HTT: variants seen among roughly 807,000 people sequenced by gnomAD.
HTT encodes the protein huntingtin.
In HTT, 104 loss-of-function variants were observed where a neutral mutation model predicts 362.3. That is an observed-to-expected ratio of 0.29 (90% confidence interval 0.24 to 0.34). The LOEUF (loss-of-function observed/expected upper bound fraction) is 0.34, where lower values mean the gene tolerates loss of function less well. Among genes scored for constraint, HTT ranks in the 10% least tolerant of loss-of-function variants. The pLI is 1.00. For synonymous variants in HTT, 1,577 were observed against 1,548.7 expected (o/e 1.02, Z -0.43); for missense variants, 3,301 against 3,928.6 (o/e 0.84, Z 4.27).
chr4:3,172,749 A>G (rs1718052067), intron 30 of HTT, among the ~76,000 whole-genome samples, 159 bp from the exon 31 acceptor site: 1 of 148,084 alleles, frequency 6.8e-6, no homozygotes, highest in African/African-American at 2.4e-5. Context: ...TTCATACAAT[A>G]TCTCATGAGG....
chr4:3,155,672 G>C (rs1236630012), intron 27 of HTT, among the ~76,000 whole-genome samples: 2 of 145,904 alleles, frequency 1.4e-5, no homozygotes, highest in Non-Finnish European at 3.0e-5. Flanking sequence ...ACGAGGTCGG[G>C]AGTTCAAGAC....
intron 13 of HTT, 86 bp from the exon 14 acceptor site, chr4:3,130,219 A>G (rs910279559): frequency 1.8e-5 from 20 of 1,082,062 alleles, no homozygotes; most frequent in Non-Finnish European, 2.1e-5. Flanking sequence ...TCTAAATCTT[A>G]TACTTTTGAG....
intron 3 of HTT, among the ~76,000 whole-genome samples, chr4:3,101,600 A>T (rs1354451920): frequency 2.0e-5 from 3 of 152,208 alleles, no homozygotes; most frequent in Non-Finnish European, 4.4e-5. Context: ...TCTCATGAGT[A>T]TGGCTGTGTG....
intron 40 of HTT, among the ~76,000 whole-genome samples, chr4:3,198,520 C>T (rs1014663659): frequency 2.6e-5 from 4 of 152,252 alleles, no homozygotes; most frequent in South Asian, 4.2e-4. Context: ...CCACCACACC[C>T]GGCCTGAAAT....
intron 40 of HTT, among the ~76,000 whole-genome samples, chr4:3,189,867 A>T (rs1024347306): frequency 1.3e-5 from 2 of 152,142 alleles, no homozygotes; most frequent in Non-Finnish European, 2.9e-5. Flanking sequence ...TGTACAAACA[A>T]ACTAGCCGGG....
At chr4:3,146,428 C>T (rs1162918277) in intron 24 of HTT, among the ~76,000 whole-genome samples, 3 of 152,200 alleles carry the variant, frequency 2.0e-5, no homozygotes, top group Non-Finnish European at 4.4e-5. Flanking sequence ...ATAAAGAGTT[C>T]ACCCCAGCCA....
chr4:3,159,641 G>T (rs541688121), intron 28 of HTT, among the ~76,000 whole-genome samples: 1 of 152,136 alleles, frequency 6.6e-6, no homozygotes. Flanking sequence ...CTTTCACAAG[G>T]GTTCTTAGAT....
chr4:3,169,065 T>A (rs1368453699), intron 29 of HTT, among the ~76,000 whole-genome samples: 1 of 151,450 alleles, frequency 6.6e-6, no homozygotes. Context: ...GTCGCCTGCG[T>A]TGGAGTGCAG....
chr4:3,198,289 G>C (rs1010816917), intron 40 of HTT, among the ~76,000 whole-genome samples: 1 of 132,822 alleles, frequency 7.5e-6, no homozygotes. Flanking sequence ...GCAGTGGCAC[G>C]ATCTTGGCCA....
chr4:3,135,295 G>C (rs1352750866), intron 19 of HTT, among the ~76,000 whole-genome samples: 2 of 151,130 alleles, frequency 1.3e-5, no homozygotes, highest in Non-Finnish European at 2.9e-5. Context: ...TTGCACTTCA[G>C]CCTGGCAACA....
Position 3,237,552 on chromosome 4 carries a change from C to T in HTT, c.8892-895C>T, listed in dbSNP as rs143758111. 2.8e-4 allele frequency among the ~76,000 whole-genome samples: 43 copies of T among 152,040 alleles called. 1 individual carries two copies. Among genetic ancestry groups the T allele is most frequent in the African/African-American group, 9.9e-4 (41 of 41,452 alleles). ...CGAGTGCTCCAAAGAGTGTGGTGCA[C>T]GCCTTCCGCTTGACCGCTCTCCAGA... is the stretch of plus-strand genomic sequence containing the variant. On this transcript the variant is annotated intron_variant, in intron 64 of 66. Coordinates refer to ENST00000355072, the MANE Select transcript of HTT (RefSeq NM_001388492.1).
intron 33 of HTT, 137 bp downstream of exon 33, chr4:3,175,244 T>G: frequency 1.2e-6 from 1 of 817,368 alleles, no homozygotes; most frequent in South Asian, 1.8e-5. Context: ...ATCTTTTTCA[T>G]GCACCTAGCT....
In HTT at chr4:3,243,654, T is replaced by G. The variant is rs1423026046; in HGVS notation, c.*3595T>G. On this transcript the variant is annotated 3_prime_UTR_variant, in exon 67 of 67. Coordinates refer to ENST00000355072, the MANE Select transcript of HTT (RefSeq NM_001388492.1). ...CTAAGAGCAGAGTCTCCCGCTGCAATCTGGGTGGTAACTGCCAGCCTTGGA... is the reference window on the plus strand; with the variant it reads ...CTAAGAGCAGAGTCTCCCGCTGCAAGCTGGGTGGTAACTGCCAGCCTTGGA... 6.6e-6 allele frequency: 1 copy of G among 152,296 alleles called. No homozygotes were observed. The highest frequency in any genetic ancestry group is 1.9e-4 in the East Asian group (1 of 5,198). 9.4% of individuals were successfully genotyped at this position (152,296 alleles called of 1,614,324 possible).
In HTT at chr4:3,078,315, G is replaced by A. The variant is rs969709732; in HGVS notation, c.263+3227G>A. ...CTCAGCAGTGAGCAGACAAAGCTCT[G>A]CCCTCGTGAAGCTTTCATTCTAATG... On this transcript the variant is annotated intron_variant, in intron 1 of 66. Coordinates refer to ENST00000355072, the MANE Select transcript of HTT (RefSeq NM_001388492.1). 2.6e-5 allele frequency among the ~76,000 whole-genome samples: 4 copies of A among 152,318 alleles called. No homozygotes were observed. The South Asian group carries it at 8.3e-4, about 32-fold the overall frequency.
chr4:3,112,487 T>A (rs1190577175), intron 6 of HTT, among the ~76,000 whole-genome samples: 1 of 152,244 alleles, frequency 6.6e-6, no homozygotes, highest in East Asian at 1.9e-4. Flanking sequence ...AGTCTGTTTT[T>A]AAATTCTGTG....
rs754023489 is a variant in HTT, at chr4:3,132,853, G to A, written c.2435G>A (p.Arg812Gln). Reference protein sequence around the residue: ...FSLADCIPLLRKTLKDESSVT... With the variant: ...FSLADCIPLLQKTLKDESSVT... ...TTGGCGGATTGCATTCCTTTGCTGC[G>A]GAAAACACTGAAGGATGAGTCTTCT... The change falls in exon 18 of 67, where the codon CGG (arginine) becomes CAG (glutamine). Residue 812 changes from arginine to glutamine, a missense_variant. By Grantham distance (43) the Arg-to-Gln change is conservative. This residue lies in a region of HTT where 2,316 missense variants were observed against 2,658.5 expected (regional missense o/e 0.87). Coordinates refer to ENST00000355072, the MANE Select transcript of HTT (RefSeq NM_001388492.1). 9.3e-6 allele frequency: 15 copies of A among 1,614,016 alleles called. No homozygotes were observed. Among genetic ancestry groups the A allele is most frequent in the African/African-American group, 5.3e-5 (4 of 74,914 alleles).
intron 12 of HTT, chr4:3,128,638 G>T (rs906299329): frequency 6.6e-6 from 1 of 152,102 alleles, no homozygotes; most frequent in African/African-American, 2.4e-5. Flanking sequence ...TTTGATAGCG[G>T]CATAGGTTTA....
In HTT at chr4:3,134,519, C is replaced by G. The variant is rs1715970884; in HGVS notation, c.2612C>G (p.Thr871Ser). Residue 871 changes from threonine to serine, a missense_variant, in exon 19 of 67, where the codon ACC (threonine) becomes AGC (serine). Transcript: ENST00000355072. ...YWLVRTELLE[T>S]LAEIDFRLVS... is the part of the protein sequence containing the mutation. ...CTGGTGAGGACAGAGCTTCTGGAAA[C>G]CCTTGCAGAGATTGACTTCAGGTAA... 1 of 1,613,270 alleles carries G rather than the reference C, an allele frequency of 6.2e-7. No individual in the cohort carries two copies. Among genetic ancestry groups the G allele is most frequent in the African/African-American group, 1.3e-5 (1 of 74,970 alleles).
At chr4:3,172,541 T>TG in intron 30 of HTT, 144 bp downstream of exon 30, 1 of 701,910 alleles carries the variant, frequency 1.4e-6, no homozygotes, top group Non-Finnish European at 2.6e-6. Flanking sequence ...GCTCAGTCCA[T>TG]GATTGAGCCA....
Sources: gnomAD v4.1 joint callset for allele counts (sites outside exome capture counted in the v4.1 genomes callset) on GRCh38, gnomAD v4.1.1 for gene constraint, gnomAD v4.1.1 regional missense constraint, MANE v1.5 for transcripts, NCBI Gene and HGNC (gene_info 2026-07-23, HGNC 2026-07-21) for gene names.